The following PKHD1 variants were observed in gnomAD, a reference collection of about 807,000 sequenced individuals.
The protein encoded by PKHD1 is PKHD1 ciliary IPT domain containing fibrocystin/polyductin.
In PKHD1, 291 loss-of-function variants were observed where a neutral mutation model predicts 412.0. The ratio of observed to expected loss-of-function variants is 0.71; its 90% CI spans 0.64 to 0.78. PKHD1 has a LOEUF of 0.78. Ranked by LOEUF, PKHD1 falls within the 30% of genes least tolerant of loss-of-function variation. The pLI is 0.00. For synonymous variants in PKHD1, 1,777 were observed against 1,821.5 expected (o/e 0.98, Z 0.62); for missense variants, 4,825 against 4,950.7 (o/e 0.97, Z 0.76).
chr6:51,799,558 CTAAAA>C (rs1562337170), intron 52 of PKHD1, among the ~76,000 whole-genome samples: 2 of 152,112 alleles, frequency 1.3e-5, no homozygotes, highest in African/African-American at 2.4e-5. Flanking sequence ...GAAAATTCTG[CTAAAA>C]TAAAATAAGC....
intron 52 of PKHD1, among the ~76,000 whole-genome samples, chr6:51,827,213 G>C (rs930400599): frequency 6.6e-6 from 1 of 152,040 alleles, no homozygotes; most frequent in African/African-American, 2.4e-5. Flanking sequence ...TAAGCCATTG[G>C]AAAGCAAATA....
At chr6:51,778,481 C>T (rs1791429781) in intron 53 of PKHD1, among the ~76,000 whole-genome samples, 1 of 151,956 alleles carries the variant, frequency 6.6e-6, no homozygotes, top group African/African-American at 2.4e-5. Context: ...GAAGTTGGGC[C>T]TTAGACTTAA....
At chr6:51,680,437 A>C (rs574757240) in intron 60 of PKHD1, among the ~76,000 whole-genome samples, 2 of 152,088 alleles carry the variant, frequency 1.3e-5, no homozygotes, top group Non-Finnish European at 2.9e-5. Context: ...TATTGCCCCT[A>C]GAATCTTCTC....
chr6:51,892,924 T>C (rs12207819), intron 43 of PKHD1, among the ~76,000 whole-genome samples: 21,543 of 152,178 alleles, frequency 0.14, 1,684 homozygotes, highest in Non-Finnish European at 0.19. Flanking sequence ...CCCTTGTAAA[T>C]ATACAAAGAA....
intron 6 of PKHD1, among the ~76,000 whole-genome samples, chr6:52,075,400 C>G (rs749971608): frequency 2.6e-5 from 4 of 152,180 alleles, no homozygotes; most frequent in Non-Finnish European, 5.9e-5. Context: ...AACTTTTTAG[C>G]ACACTCTTAC....
chr6:52,032,474 GA>G (rs1803211016), intron 29 of PKHD1, among the ~76,000 whole-genome samples: 1 of 152,070 alleles, frequency 6.6e-6, no homozygotes, highest in Non-Finnish European at 1.5e-5. Context: ...CAAGAAACAA[GA>G]ATTCTAAGTT....
intron 36 of PKHD1, among the ~76,000 whole-genome samples, chr6:51,943,248 T>A (rs1318804724): frequency 1.3e-5 from 2 of 151,562 alleles, no homozygotes; most frequent in East Asian, 3.9e-4. Flanking sequence ...GACAATACTT[T>A]TACCACTTGC....
intron 50 of PKHD1, among the ~76,000 whole-genome samples, chr6:51,842,040 A>T (rs1022003436): frequency 2.0e-5 from 3 of 152,256 alleles, no homozygotes; most frequent in African/African-American, 7.2e-5. Flanking sequence ...GGCACACACA[A>T]TAAAGTCCAT....
intron 19 of PKHD1, 44 bp downstream of exon 19, chr6:52,055,543 A>C (rs749931343): frequency 3.7e-6 from 6 of 1,608,170 alleles, no homozygotes; most frequent in Non-Finnish European, 5.1e-6. Flanking sequence ...GAGCAATACC[A>C]ATACCTACCC....
chr6:51,983,791 T>G (rs1795879968), intron 35 of PKHD1, among the ~76,000 whole-genome samples: 1 of 152,218 alleles, frequency 6.6e-6, no homozygotes, highest in Non-Finnish European at 1.5e-5. Context: ...GCTAACAGCT[T>G]CCAGCACTGC....
At chr6:51,638,028 C>CAT (rs1459640958) in intron 64 of PKHD1, among the ~76,000 whole-genome samples, 1 of 152,168 alleles carries the variant, frequency 6.6e-6, no homozygotes, top group Non-Finnish European at 1.5e-5. Context: ...TTCTCTCAAA[C>CAT]ATATATTTGT....
chr6:51,913,827 A>G (rs1783361501), intron 37 of PKHD1, among the ~76,000 whole-genome samples: 1 of 152,144 alleles, frequency 6.6e-6, no homozygotes, highest in Admixed American at 6.6e-5. Flanking sequence ...TTACTTGGGC[A>G]ATAATTTTGT....
intron 35 of PKHD1, chr6:51,975,821 T>C (rs1794330794): frequency 6.6e-6 from 1 of 151,654 alleles, no homozygotes; most frequent in South Asian, 2.1e-4. Context: ...GACCACTCCA[T>C]TGCCAAAGGA....
chr6:51,889,475 A>G (rs751988989), intron 43 of PKHD1, among the ~76,000 whole-genome samples: 1 of 152,240 alleles, frequency 6.6e-6, no homozygotes, highest in Non-Finnish European at 1.5e-5. Context: ...TGCCCAGTGA[A>G]ATTTAAATTT....
At chr6:51,990,494 G>C (rs559889377) in intron 35 of PKHD1, among the ~76,000 whole-genome samples, 2 of 152,280 alleles carry the variant, frequency 1.3e-5, no homozygotes, top group African/African-American at 4.8e-5. Flanking sequence ...CCGTGTTTCA[G>C]AGCCCTTCCA....
At chr6:51,983,619 G>C (rs1240243474) in intron 35 of PKHD1, among the ~76,000 whole-genome samples, 2 of 152,190 alleles carry the variant, frequency 1.3e-5, no homozygotes, top group East Asian at 1.9e-4. Flanking sequence ...AAACAAACTC[G>C]AAGCGGAGGT....
chr6:51,696,336 A>T (rs987650008), intron 60 of PKHD1, among the ~76,000 whole-genome samples: 3 of 152,176 alleles, frequency 2.0e-5, no homozygotes, highest in Non-Finnish European at 4.4e-5. Context: ...TGATCCCTGG[A>T]AAGAAGAAAA....
At chr6:51,887,096 A>G in intron 44 of PKHD1, 37 bp downstream of exon 44, 2 of 1,295,180 alleles carry the variant, frequency 1.5e-6, no homozygotes, top group Non-Finnish European at 2.3e-6. Flanking sequence ...TGAAATCATA[A>G]GACAGCCAAA....
chr6:51,948,362 C>G (rs1403886853), intron 36 of PKHD1, among the ~76,000 whole-genome samples: 1 of 152,140 alleles, frequency 6.6e-6, no homozygotes, highest in Non-Finnish European at 1.5e-5. Context: ...CCTCTGCTCT[C>G]CCCCTTGTTC....
Sources: gnomAD v4.1 joint callset for allele counts (sites outside exome capture counted in the v4.1 genomes callset) on GRCh38, gnomAD v4.1.1 for gene constraint, MANE v1.5 for transcripts, NCBI Gene and HGNC (gene_info 2026-07-23, HGNC 2026-07-21) for gene names.